MCF2L2: variants seen among roughly 807,000 people sequenced by gnomAD.
MCF2L2 encodes the protein probable guanine nucleotide exchange factor MCF2L2.
A neutral mutation model predicts 150.2 loss-of-function variants in MCF2L2; 102 were observed. The observed-to-expected ratio is 0.68, with a 90% confidence interval of 0.58 to 0.80. The LOEUF is 0.80. Ranked by LOEUF, MCF2L2 falls within the 30% of genes least tolerant of loss-of-function variation. The pLI, the probability that MCF2L2 is intolerant of heterozygous loss-of-function variation, is 0.00. For missense variants in MCF2L2, 1,256 were observed against 1,372.8 expected (o/e 0.91, Z 1.34); for synonymous variants, 465 against 491.3 (o/e 0.95, Z 0.71).
chr3:183,188,539 G>A (rs1451531378), intron 27 of MCF2L2, among the ~76,000 whole-genome samples: 2 of 152,170 alleles, frequency 1.3e-5, no homozygotes, highest in East Asian at 3.9e-4. Context: ...TGTCCAAACT[G>A]CTGCCCCGCC....
chr3:183,421,198 G>A (rs1247650283), intron 1 of MCF2L2, among the ~76,000 whole-genome samples: 2 of 152,018 alleles, frequency 1.3e-5, no homozygotes, highest in Admixed American at 1.3e-4. Context: ...CTTCTTTGAT[G>A]TACAATGTTT....
At chr3:183,258,894 T>A (rs1725327509) in intron 15 of MCF2L2, among the ~76,000 whole-genome samples, 1 of 152,216 alleles carries the variant, frequency 6.6e-6, no homozygotes, top group Non-Finnish European at 1.5e-5. Flanking sequence ...CTGGCCCATG[T>A]ACTTTAAATC....
At chr3:183,348,901 T>C (rs1210734317) in intron 3 of MCF2L2, among the ~76,000 whole-genome samples, 1 of 152,164 alleles carries the variant, frequency 6.6e-6, no homozygotes, top group African/African-American at 2.4e-5. Flanking sequence ...GAAAAACAGA[T>C]AAATCCACAA....
At chr3:183,397,687 A>AC (rs34335221) in intron 1 of MCF2L2, among the ~76,000 whole-genome samples, 1 of 151,954 alleles carries the variant, frequency 6.6e-6, no homozygotes, top group Non-Finnish European at 1.5e-5. Context: ...TATGAGTAAA[A>AC]TATAAATAGG....
chr3:183,199,085 T>C (rs1044624635), intron 25 of MCF2L2, among the ~76,000 whole-genome samples: 2 of 152,176 alleles, frequency 1.3e-5, no homozygotes, highest in Non-Finnish European at 2.9e-5. Context: ...TTGGTTTTTG[T>C]GACAGAAAAC....
At chr3:183,334,814 CAAAG>C (rs1730408997) in intron 5 of MCF2L2, among the ~76,000 whole-genome samples, 1 of 125,436 alleles carries the variant, frequency 8.0e-6, no homozygotes, top group Non-Finnish European at 1.7e-5. Flanking sequence ...AAAAAAAAGA[CAAAG>C]AAAGGGCCAG....
Position 183,227,090 on chromosome 3 carries a change from TTTAAG to T in MCF2L2, c.2115+1202_2115+1206del, listed in dbSNP as rs2108666881. The T allele has an allele frequency of 6.6e-6, 1 of 152,322 alleles. No individual in the cohort carries two copies. Among genetic ancestry groups the T allele is most frequent in the Non-Finnish European group, 1.5e-5 (1 of 68,024 alleles). 9.4% of individuals were successfully genotyped at this position (152,322 alleles called of 1,614,324 possible). Reference sequence around the variant, plus strand: ...AGTCATAATATGAGTTGCTTACAACTTTAAGTTGTTTGATCTGTTGCCTTGGGTTC... The same window carrying T: ...AGTCATAATATGAGTTGCTTACAACTTTGTTTGATCTGTTGCCTTGGGTTC... On this transcript the variant is annotated intron_variant, in intron 18 of 29. Transcript: ENST00000328913. The surrounding 1 kb of genome is among the most constrained non-coding windows in gnomAD (Gnocchi z 4.0).
chr3:183,311,791 C>A lies in MCF2L2; in HGVS notation c.754-19G>T. The A allele has an allele frequency of 6.2e-7, 1 of 1,612,438 alleles. No individual in the cohort carries two copies. The highest frequency in any genetic ancestry group is 8.5e-7 in the Non-Finnish European group (1 of 1,179,304). ...GCTCATCCTAGAAAATAAAAGTAGT[C>A]TCTCTTAGAACGAATTAGAAAAAAC... On this transcript the variant is annotated intron_variant, in intron 7 of 29. Transcript: ENST00000328913.
intron 15 of MCF2L2, among the ~76,000 whole-genome samples, chr3:183,264,088 G>A (rs947395742): frequency 8.5e-5 from 13 of 152,168 alleles, no homozygotes; most frequent in Admixed American, 2.0e-4. Flanking sequence ...GAGCAAGGGA[G>A]TTACTATAAC....
chr3:183,260,300 AC>A (rs1170140064), intron 15 of MCF2L2, among the ~76,000 whole-genome samples: 1 of 152,118 alleles, frequency 6.6e-6, no homozygotes, highest in Non-Finnish European at 1.5e-5. Context: ...TAGTAGACAT[AC>A]CCATGGTAGT....
chr3:183,313,481 A>G (rs560414892), intron 7 of MCF2L2, among the ~76,000 whole-genome samples: 2 of 152,330 alleles, frequency 1.3e-5, no homozygotes, highest in East Asian at 3.9e-4. Context: ...AAAGGATACA[A>G]GCAAAAATTG....
chr3:183,270,827 C>G lies in MCF2L2; in HGVS notation c.1862+6045G>C. 1 of 1,613,802 alleles carries G rather than the reference C, an allele frequency of 6.2e-7. No homozygotes were observed. The highest frequency in any genetic ancestry group is 1.3e-5 in the African/African-American group (1 of 75,002). On this transcript the variant is annotated intron_variant, in intron 15 of 29. Transcript: ENST00000328913. This position sits in a 1 kb window ranked among gnomAD's most constrained non-coding sequence, Gnocchi z 4.5. The stretch of plus-strand genomic sequence containing the variant: ...ATGCTACAGATCCTAAAGTAAAAAC[C>G]ATTTCCAAAGGTTTTTTTGGTCAAA...
intron 14 of MCF2L2, among the ~76,000 whole-genome samples, chr3:183,278,267 G>A (rs1040046255): frequency 2.0e-5 from 3 of 147,810 alleles, no homozygotes; most frequent in African/African-American, 7.8e-5. Flanking sequence ...CATCAGTTAC[G>A]ATGTAAATGA....
chr3:183,316,437 C>T (rs904002610), intron 7 of MCF2L2, among the ~76,000 whole-genome samples: 3 of 151,528 alleles, frequency 2.0e-5, no homozygotes, highest in Non-Finnish European at 4.4e-5. Flanking sequence ...CTCCATCTCC[C>T]GGGTTCAAGC....
chr3:183,314,115 G>A (rs887476965), intron 7 of MCF2L2, among the ~76,000 whole-genome samples: 3 of 152,218 alleles, frequency 2.0e-5, no homozygotes, highest in African/African-American at 7.2e-5. Context: ...TCCCTCAGAT[G>A]AGAGTGAAAT....
chr3:183,191,155 C>G (rs143297939), intron 27 of MCF2L2, among the ~76,000 whole-genome samples: 194 of 152,288 alleles, frequency 1.3e-3, no homozygotes, highest in African/African-American at 4.6e-3. Context: ...GGATTACAGG[C>G]GTGAGCCACC....
chr3:183,201,193 T>C (rs1351046917), intron 25 of MCF2L2, among the ~76,000 whole-genome samples: 1 of 152,226 alleles, frequency 6.6e-6, no homozygotes, highest in African/African-American at 2.4e-5. Context: ...GGGGATGGCA[T>C]TGAATCTATA....
intron 14 of MCF2L2, among the ~76,000 whole-genome samples, chr3:183,279,699 A>G (rs1727365193): frequency 6.6e-6 from 1 of 152,218 alleles, no homozygotes; most frequent in African/African-American, 2.4e-5. Flanking sequence ...TGGCAAAAAG[A>G]TGGCAAAAAA....
In MCF2L2 at chr3:183,179,724, G is replaced by A; in HGVS notation, c.3106-32C>T. ...GGGAGGGGACGGGTGCACCCTCAGAGTTATTGCTGGAGGCTGTGGCCAGAC... is the reference window on the plus strand; with the variant it reads ...GGGAGGGGACGGGTGCACCCTCAGAATTATTGCTGGAGGCTGTGGCCAGAC... On this transcript the variant is annotated intron_variant, in intron 28 of 29. Transcript: ENST00000328913. This position sits in a 1 kb window ranked among gnomAD's most constrained non-coding sequence, Gnocchi z 4.2. The A allele has an allele frequency of 7.6e-6, 12 of 1,579,152 alleles. No individual in the cohort carries two copies. The highest frequency in any genetic ancestry group is 1.7e-4 in the Middle Eastern group (1 of 5,984).
Sources: gnomAD v4.1 joint callset for allele counts (sites outside exome capture counted in the v4.1 genomes callset) on GRCh38, gnomAD v4.1.1 for gene constraint, Gnocchi (gnomAD v3.1) non-coding constraint, MANE v1.5 for transcripts, NCBI Gene and HGNC (gene_info 2026-07-23, HGNC 2026-07-21) for gene names.